Variants in F8 observed in about 807,000 individuals in gnomAD.
The protein encoded by F8 is coagulation factor VIII.
Under a neutral mutation model 140.6 loss-of-function variants are expected in F8, and 12 were observed. That is an observed-to-expected ratio of 0.09 (90% CI 0.05 to 0.14). The LOEUF is 0.14. F8 is among the 10% of genes least tolerant of loss of function. The pLI is 1.00. For synonymous variants in F8, 585 were observed against 614.6 expected, an observed-to-expected ratio of 0.95 and a Z score of 0.71; for missense variants, 1,354 against 1,720.7, an observed-to-expected ratio of 0.79 and a Z score of 3.77.
chrX:154,968,433 TA>T (rs1444353975), intron 7 of F8, among the ~76,000 whole-genome samples: 1 of 111,709 alleles, frequency 9.0e-6, no homozygotes, highest in Non-Finnish European at 1.9e-5. Flanking sequence ...TTCTGTGGTA[TA>T]CTGTTATTGC....
chrX:154,996,825 G>A (rs1399822787), intron 3 of F8, 148 bp downstream of exon 3: 2 of 673,491 alleles, frequency 3.0e-6, no homozygotes, highest in Non-Finnish European at 4.7e-6. Context: ...TCCCTATCTT[G>A]AGATATTTAT....
Position 154,981,169 on chromosome X carries a change from C to T in F8, c.787+3518G>A, listed in dbSNP as rs188058267. On this transcript the variant is annotated intron_variant, in intron 6 of 25. Coordinates refer to ENST00000360256, the MANE Select transcript of F8 (RefSeq NM_000132.4). Reference sequence around the variant, plus strand: ...CCGCCTGTGGTACTGCAGTGGCTTGCGGGTGGGGTCTCAGTCATAAAGAAC... The same window carrying T: ...CCGCCTGTGGTACTGCAGTGGCTTGTGGGTGGGGTCTCAGTCATAAAGAAC... Among the ~76,000 whole-genome samples, 380 of 110,884 alleles carry T rather than the reference C, an allele frequency of 3.4e-3. 5 individuals are homozygous for T. The highest frequency in any genetic ancestry group is 0.023 in the Admixed American group (240 of 10,459).
At chrX:154,866,264 C>T (rs2072730845) in intron 22 of F8, among the ~76,000 whole-genome samples, 2 of 111,794 alleles carry the variant, frequency 1.8e-5, no homozygotes, top group Admixed American at 1.9e-4. Flanking sequence ...CATTGACAGA[C>T]ATGGAAGGAG....
intron 5 of F8, among the ~76,000 whole-genome samples, chrX:154,986,721 G>A (rs1460935642): frequency 9.0e-6 from 1 of 111,485 alleles, no homozygotes; most frequent in Non-Finnish European, 1.9e-5. Flanking sequence ...AAGGGGGCAA[G>A]AAGAATATTA....
rs373836326 is a variant in F8, at chrX:154,929,502, C to T, written c.4288G>A (p.Asp1430Asn). 19 of 1,209,269 alleles carry T rather than the reference C, an allele frequency of 1.6e-5. No homozygotes were observed. Among genetic ancestry groups the T allele is most frequent in the Non-Finnish European group, 2.0e-5 (18 of 894,801 alleles). The change falls in exon 14 of 26, where the codon GAC becomes AAC. Residue 1430 changes from aspartate (D) to asparagine (N), a missense_variant. Around this residue, in one of 4 missense-constraint regions of F8, gnomAD observed 658 missense variants for 666.5 expected, o/e 0.99. Transcript: ENST00000360256. ...PIYLTRVLFQ[D>N]NSSHLPAASY... Reference sequence around the variant, plus strand: ...GCTGCTGGAAGATGAGAAGAGTTGTCTTGGAATAGGACCCTGGTCAGATAT... The same window carrying T: ...GCTGCTGGAAGATGAGAAGAGTTGTTTTGGAATAGGACCCTGGTCAGATAT...
At chrX:154,863,560 G>A (rs1169200554) in intron 22 of F8, among the ~76,000 whole-genome samples, 1 of 111,013 alleles carries the variant, frequency 9.0e-6, no homozygotes, top group African/African-American at 3.3e-5. Context: ...AGCATCACCT[G>A]AGGGCAATTC....
At chrX:154,866,512 G>T (rs947904665) in intron 22 of F8, among the ~76,000 whole-genome samples, 2 of 111,752 alleles carry the variant, frequency 1.8e-5, no homozygotes, top group Non-Finnish European at 3.8e-5. Flanking sequence ...AATTTAAGAA[G>T]ATTAATATCA....
At position 154,862,009 on chromosome X, in the gene F8, GTTTTT is replaced by G; in HGVS notation, c.6575-148_6575-144del. ...AACTTTTGCACAGATTCTGTTATTGGTTTTTTGTTTTGTTTTGTTTTGTTTTTGTT... is the reference window on the plus strand; with the variant it reads ...AACTTTTGCACAGATTCTGTTATTGGTGTTTTGTTTTGTTTTGTTTTTGTT... On this transcript the variant is annotated intron_variant, in intron 23 of 25. Transcript: ENST00000360256. The G allele has an allele frequency of 3.2e-5, 24 of 744,004 alleles. No homozygotes were observed. In the South Asian group the frequency reaches 5.5e-4, roughly 17 times the overall value. 61.3% of individuals were successfully genotyped at this position (744,004 alleles called of 1,213,427 possible). A position where few individuals can be genotyped will look rare whatever the true frequency, so the allele number is the denominator to read the frequency against.
chrX:155,021,012 A>G (rs1218796049), intron 1 of F8, among the ~76,000 whole-genome samples: 1 of 112,230 alleles, frequency 8.9e-6, no homozygotes, highest in Non-Finnish European at 1.9e-5. Context: ...GTATGTAATG[A>G]TATAGGATAT....
At chrX:154,847,189 C>G (rs1474729715) in intron 25 of F8, among the ~76,000 whole-genome samples, 1 of 112,077 alleles carries the variant, frequency 8.9e-6, no homozygotes, top group African/African-American at 3.2e-5. Context: ...GCGGGTAACC[C>G]GAACTTTCTG....
chrX:154,859,368 T>C (rs1441839379), intron 25 of F8, among the ~76,000 whole-genome samples: 3 of 106,686 alleles, frequency 2.8e-5, no homozygotes, highest in Admixed American at 2.0e-4. Flanking sequence ...AGTGGTGCGA[T>C]CTCGGCTCAC....
chrX:154,943,567 C>T (rs1439803711), intron 13 of F8, among the ~76,000 whole-genome samples: 1 of 111,560 alleles, frequency 9.0e-6, no homozygotes, highest in Non-Finnish European at 1.9e-5. Flanking sequence ...TAGGAAGAAT[C>T]AATATCATGA....
At chrX:154,997,244 C>T in intron 2 of F8, 149 bp from the exon 3 acceptor site, 1 of 682,733 alleles carries the variant, frequency 1.5e-6, no homozygotes, top group Non-Finnish European at 2.3e-6. Flanking sequence ...CCAACATCAG[C>T]CTAACCTTAT....
At chrX:154,982,675 A>C (rs2073535744) in intron 6 of F8, among the ~76,000 whole-genome samples, 1 of 110,693 alleles carries the variant, frequency 9.0e-6, no homozygotes, top group South Asian at 3.8e-4. Context: ...CAACTGCATA[A>C]AATTAACGGT....
chrX:154,879,541 C>T (rs1019473400), intron 22 of F8, among the ~76,000 whole-genome samples: 2 of 112,395 alleles, frequency 1.8e-5, no homozygotes, highest in African/African-American at 6.5e-5. Flanking sequence ...AGATAGTCAA[C>T]ACTTCATTAT....
chrX:154,949,523 T>C (rs2087051357), intron 12 of F8, among the ~76,000 whole-genome samples: 1 of 112,323 alleles, frequency 8.9e-6, no homozygotes, highest in Non-Finnish European at 1.9e-5. Flanking sequence ...ATGGATTAAA[T>C]AGTTACATGT....
intron 15 of F8, 151 bp from the exon 16 acceptor site, chrX:154,905,174 GCTGTTAGAACTCAAACCTAATC>G: frequency 2.1e-6 from 1 of 480,504 alleles, no homozygotes; most frequent in South Asian, 3.2e-5. Context: ...GAAGATGGAT[GCTGTTAGAACTCAAACCTAATC>G]CTGAGGAGGT....
In F8 at chrX:154,930,509, T is replaced by C. The variant is rs2073188962; in HGVS notation, c.3281A>G (p.Glu1094Gly). 2 of 1,210,789 alleles carry C rather than the reference T, an allele frequency of 1.7e-6. No homozygotes were observed. Among genetic ancestry groups the C allele is most frequent in the Non-Finnish European group, 2.2e-6 (2 of 894,496 alleles). The change falls in exon 14 of 26, where the codon GAA becomes GGA. Residue 1094 changes from glutamate (E) to glycine (G), a missense_variant. This residue lies in a region of F8 where 658 missense variants were observed against 666.5 expected (regional missense o/e 0.99). Transcript: ENST00000360256. ...SNKTTSSKNM[E>G]MVQQKKEGPI... Reference sequence around the variant, plus strand: ...GCCCTCTTTTTTCTGTTGGACCATTTCCATGTTTTTTGATGAAGTAGTTTT... The same window carrying C: ...GCCCTCTTTTTTCTGTTGGACCATTCCCATGTTTTTTGATGAAGTAGTTTT...
intron 22 of F8, among the ~76,000 whole-genome samples, chrX:154,893,160 G>T (rs782173328): frequency 1.1e-3 from 128 of 111,800 alleles, no homozygotes; most frequent in Admixed American, 0.011. Flanking sequence ...GCCCCGCCTC[G>T]CTTCCAGTTG....
Sources: gnomAD v4.1 joint callset for allele counts (sites outside exome capture counted in the v4.1 genomes callset) on GRCh38, gnomAD v4.1.1 for gene constraint, gnomAD v4.1.1 regional missense constraint, MANE v1.5 for transcripts, NCBI Gene and HGNC (gene_info 2026-07-23, HGNC 2026-07-21) for gene names.